Variants in CDCP2 observed in about 807,000 individuals in gnomAD.
CDCP2 encodes CUB domain-containing protein 2.
In CDCP2, 31 loss-of-function variants were observed where a neutral mutation model predicts 31.0. The ratio of observed to expected loss-of-function variants is 1.00; its 90% CI spans 0.75 to 1.35. The LOEUF is 1.35. Ranked by LOEUF, CDCP2 falls within the 40% of genes most tolerant of loss-of-function variation. The probability of loss-of-function intolerance (pLI) is 0.00; values close to 1 mark genes in which losing one functional copy is unlikely to be tolerated. For missense variants in CDCP2, 443 were observed against 482.6 expected (o/e 0.92, Z 0.77); for synonymous variants, 206 against 207.9 (o/e 0.99, Z 0.08).
At chr1:54,144,505 G>A in exon 2 of CDCP2, 1 of 1,599,732 alleles carries the variant, frequency 6.3e-7, no homozygotes. Context: ...CTGGCCACAT[G>A]CTTGTCCGAG....
At chr1:54,137,312 AT>A (rs1659274712) in intron 4 of CDCP2, among the ~76,000 whole-genome samples, 1 of 152,256 alleles carries the variant, frequency 6.6e-6, no homozygotes, top group African/African-American at 2.4e-5. Flanking sequence ...TAAATGTAAA[AT>A]ACACCCACGT....
At chr1:54,133,796 T>C (rs1474175602) in intron 5 of CDCP2, among the ~76,000 whole-genome samples, 3 of 151,830 alleles carry the variant, frequency 2.0e-5, no homozygotes, top group Non-Finnish European at 2.9e-5. Context: ...CTCGGGAGGC[T>C]GAGGCACGAG....
chr1:54,141,184 AGGGT>A lies in CDCP2; in HGVS notation c.673_676del (p.Thr225SerfsTer85). 1.9e-6 allele frequency: 3 copies of A among 1,592,816 alleles called. No individual in the cohort carries two copies. The South Asian group carries it at 3.4e-5, about 18-fold the overall frequency. On this transcript the variant is annotated frameshift_variant, in exon 3 of 6. Coordinates refer to ENST00000530059, the Ensembl canonical transcript of CDCP2. LOFTEE classifies it high-confidence loss of function. Reference sequence around the variant, plus strand: ...CTGCAGTTCGTGGCCCAGAGACACGAGGGTGGGGGGCCTGGTGCTGCCACAGTAG... The same window carrying A: ...CTGCAGTTCGTGGCCCAGAGACACGAGGGGGGCCTGGTGCTGCCACAGTAG...
chr1:54,144,672 G>T (rs1447699021), exon 2 of CDCP2: 3 of 1,614,114 alleles, frequency 1.9e-6, no homozygotes, highest in African/African-American at 1.3e-5. Flanking sequence ...TAGGTCAAAG[G>T]CATGGAAGGT....
chr1:54,143,539 A>G (rs1304885507), intron 2 of CDCP2: 1 of 152,144 alleles, frequency 6.6e-6, no homozygotes, highest in Non-Finnish European at 1.5e-5. Context: ...TTGATATCCT[A>G]ACATTCTACA....
chr1:54,133,700 T>A (rs1273762396), intron 5 of CDCP2, among the ~76,000 whole-genome samples: 1 of 151,982 alleles, frequency 6.6e-6, no homozygotes, highest in Admixed American at 6.6e-5. Flanking sequence ...ATCGAGACCA[T>A]CCTGACTAAC....
At chr1:54,140,365 G>A in intron 3 of CDCP2, 1 of 546,182 alleles carries the variant, frequency 1.8e-6, no homozygotes, top group Non-Finnish European at 3.3e-6. Flanking sequence ...ACAGGTGTAG[G>A]CCCTGTTAGG....
exon 6 of CDCP2, chr1:54,133,104 G>A: frequency 2.5e-6 from 1 of 399,148 alleles, no homozygotes; most frequent in Non-Finnish European, 4.4e-6. Flanking sequence ...CTCATCCATG[G>A]GTGGTGCTTC....
Position 54,152,834 on chromosome 1 carries a change from G to GA in CDCP2, c.79+9dup. 1.9e-6 allele frequency: 3 copies of GA among 1,613,720 alleles called. No homozygotes were observed. The highest frequency in any genetic ancestry group is 2.5e-6 in the Non-Finnish European group (3 of 1,179,620). On this transcript the variant is annotated intron_variant, in intron 1 of 5. Coordinates refer to ENST00000530059, the Ensembl canonical transcript of CDCP2. ...CCCTCTCAGTTCATGTCTGTCCCAA[G>GA]AGTGCCTACCTTCCATGGCTTGGGC...
intron 3 of CDCP2, 40 bp downstream of exon 3, chr1:54,141,058 G>T: frequency 6.7e-7 from 1 of 1,483,954 alleles, no homozygotes; most frequent in Non-Finnish European, 9.0e-7. Context: ...GAGCCCAGTA[G>T]GCACAGGAGG....
chr1:54,138,390 A>G (rs984728485), intron 4 of CDCP2: 1 of 152,258 alleles, frequency 6.6e-6, no homozygotes, highest in African/African-American at 2.4e-5. Context: ...TGTGGAGCCC[A>G]CTAAGGCCCG....
chr1:54,143,138 C>T (rs945329147), intron 2 of CDCP2, among the ~76,000 whole-genome samples: 16 of 152,062 alleles, frequency 1.1e-4, no homozygotes, highest in African/African-American at 3.9e-4. Flanking sequence ...GAGTTTGAGA[C>T]CAGCCTGGCC....
intron 1 of CDCP2, among the ~76,000 whole-genome samples, chr1:54,147,227 T>C (rs890431639): frequency 6.6e-6 from 1 of 151,558 alleles, no homozygotes; most frequent in Admixed American, 6.6e-5. Flanking sequence ...GAATTCACAA[T>C]GCAACTCAAA....
At chr1:54,139,240 C>A in intron 4 of CDCP2, 1 of 392,276 alleles carries the variant, frequency 2.5e-6, no homozygotes, top group Non-Finnish European at 4.6e-6. Context: ...CCAGAGATAA[C>A]ATTTGGAACA....
intron 4 of CDCP2, 114 bp downstream of exon 4, chr1:54,139,639 C>A: frequency 6.7e-7 from 1 of 1,491,430 alleles, no homozygotes; most frequent in Admixed American, 2.2e-5. Flanking sequence ...TGGAGAAGAC[C>A]ATTCATGGGG....
intron 2 of CDCP2, chr1:54,142,523 G>A (rs1212308630): frequency 6.6e-6 from 1 of 152,222 alleles, no homozygotes; most frequent in African/African-American, 2.4e-5. Context: ...ACAACTACAC[G>A]GCAAGTGTGG....
intron 4 of CDCP2, 78 bp downstream of exon 4, chr1:54,139,675 A>G (rs759396396): frequency 6.2e-7 from 1 of 1,613,804 alleles, no homozygotes; most frequent in East Asian, 2.2e-5. Flanking sequence ...GGTGGGATGG[A>G]GGAAGGAGAC....
chr1:54,152,229 C>T (rs1044686298), intron 1 of CDCP2, among the ~76,000 whole-genome samples: 11 of 151,914 alleles, frequency 7.2e-5, no homozygotes, highest in Admixed American at 3.9e-4. Context: ...TTTGGGAGGC[C>T]GAGGCAGGTG....
intron 4 of CDCP2, chr1:54,139,399 CATAAACA>C: frequency 1.3e-6 from 1 of 782,782 alleles, no homozygotes; most frequent in South Asian, 1.9e-5. Context: ...ATTTTTTTGC[CATAAACA>C]ATATTACCAT....
Sources: gnomAD v4.1 joint callset for allele counts (sites outside exome capture counted in the v4.1 genomes callset) on GRCh38, gnomAD v4.1.1 for gene constraint, MANE v1.5 for transcripts, NCBI Gene and HGNC (gene_info 2026-07-23, HGNC 2026-07-21) for gene names.